The following GPR39 variants were observed in gnomAD, a reference collection of about 807,000 sequenced individuals.
GPR39 encodes G protein-coupled receptor 39.
A neutral mutation model predicts 18.4 loss-of-function variants in GPR39; 23 were observed. The observed-to-expected ratio is 1.25, with a 90% CI of 0.90 to 1.77. The LOEUF is 1.77. Among genes scored for constraint, GPR39 ranks in the 40% most tolerant of loss-of-function variants. GPR39 has a pLI of 0.00. For synonymous variants in GPR39, 280 were observed against 257.9 expected (o/e 1.09, Z -0.82); for missense variants, 647 against 602.4 (o/e 1.07, Z -0.78).
At chr2:132,574,652 T>C (rs1423106482) in intron 1 of GPR39, among the ~76,000 whole-genome samples, 1 of 152,162 alleles carries the variant, frequency 6.6e-6, no homozygotes, top group Non-Finnish European at 1.5e-5. Context: ...CGAGAATTGC[T>C]TTAACCAAGG....
At chr2:132,473,477 C>G (rs1041517841) in intron 1 of GPR39, among the ~76,000 whole-genome samples, 1 of 151,990 alleles carries the variant, frequency 6.6e-6, no homozygotes, top group Non-Finnish European at 1.5e-5. Context: ...TAACATAGCC[C>G]TAAAGCTATT....
intron 1 of GPR39, among the ~76,000 whole-genome samples, chr2:132,567,143 G>A (rs919964213): frequency 1.2e-4 from 18 of 152,180 alleles, no homozygotes; most frequent in African/African-American, 4.3e-4. Context: ...CCAACATGGT[G>A]AAACCCCATC....
chr2:132,500,507 C>T (rs1335839000), intron 1 of GPR39, among the ~76,000 whole-genome samples: 1 of 152,054 alleles, frequency 6.6e-6, no homozygotes, highest in African/African-American at 2.4e-5. Context: ...ATTTTTGCAT[C>T]TGTGTTCATC....
At chr2:132,438,936 G>C (rs190091752) in intron 1 of GPR39, among the ~76,000 whole-genome samples, 135 of 152,292 alleles carry the variant, frequency 8.9e-4, no homozygotes, top group African/African-American at 2.8e-3. Flanking sequence ...GTCGCAGCGA[G>C]CATGTGTATG....
intron 1 of GPR39, among the ~76,000 whole-genome samples, chr2:132,544,117 T>G (rs1010477289): frequency 1.3e-5 from 2 of 152,216 alleles, no homozygotes; most frequent in Non-Finnish European, 2.9e-5. Context: ...TGGGGATTTC[T>G]AAAAACAACT....
intron 1 of GPR39, among the ~76,000 whole-genome samples, chr2:132,497,544 A>G (rs1681670244): frequency 6.6e-6 from 1 of 152,192 alleles, no homozygotes; most frequent in South Asian, 2.1e-4. Flanking sequence ...TTGCCCATAT[A>G]TCACCATGCA....
At chr2:132,583,963 T>C (rs1680676379) in intron 1 of GPR39, among the ~76,000 whole-genome samples, 1 of 152,044 alleles carries the variant, frequency 6.6e-6, no homozygotes, top group Admixed American at 6.6e-5. Flanking sequence ...CTTCTGCTGC[T>C]TTCTAACGAC....
rs150665970 is a variant in GPR39, at chr2:132,490,500, A to G, written c.856+72602A>G. Among the ~76,000 whole-genome samples the G allele has an allele frequency of 1.1e-3, 174 of 152,082 alleles. 1 individual carries two copies. The highest frequency in any genetic ancestry group is 4.0e-3 in the African/African-American group (165 of 41,370). ...ACACTTCTACACAACGGAGGGTTTG[A>G]TAGTGAAAAAGAGACAAAACTCTTT... On this transcript the variant is annotated intron_variant, in intron 1 of 1. Transcript: ENST00000329321.
intron 1 of GPR39, among the ~76,000 whole-genome samples, chr2:132,561,838 C>G (rs1034747011): frequency 2.6e-5 from 4 of 152,116 alleles, no homozygotes; most frequent in Non-Finnish European, 5.9e-5. Flanking sequence ...GTCAATGTCC[C>G]CCTCAAGCAT....
In GPR39 at chr2:132,514,453, T is replaced by G. The variant is rs572945603; in HGVS notation, c.856+96555T>G. The stretch of plus-strand genomic sequence containing the variant: ...CTGGAGGGTCACAGGCTCCCCCGTG[T>G]TAAGCTGAATTTATCTACATCTTTC... On this transcript the variant is annotated intron_variant, in intron 1 of 1. Coordinates refer to ENST00000329321, the MANE Select transcript of GPR39 (RefSeq NM_001508.3). Among the ~76,000 whole-genome samples the G allele has an allele frequency of 9.2e-5, 14 of 152,288 alleles. No individual in the cohort carries two copies. In the South Asian group the frequency reaches 2.9e-3, roughly 32 times the overall value.
chr2:132,493,120 ATT>A (rs1681537239), intron 1 of GPR39, among the ~76,000 whole-genome samples: 2 of 141,608 alleles, frequency 1.4e-5, no homozygotes, highest in Non-Finnish European at 3.0e-5. Context: ...ATATATACAC[ATT>A]CCATATATAT....
intron 1 of GPR39, among the ~76,000 whole-genome samples, chr2:132,532,256 A>G (rs1679652142): frequency 6.6e-6 from 1 of 152,148 alleles, no homozygotes; most frequent in Admixed American, 6.5e-5. Flanking sequence ...AGAAATGGAT[A>G]ATTTCTCGAC....
At chr2:132,588,659 T>A (rs1680773265) in intron 1 of GPR39, among the ~76,000 whole-genome samples, 1 of 152,110 alleles carries the variant, frequency 6.6e-6, no homozygotes. Flanking sequence ...AAAGTCTGCT[T>A]ACCTGGAAGC....
intron 1 of GPR39, among the ~76,000 whole-genome samples, chr2:132,540,693 C>T (rs999862752): frequency 1.3e-5 from 2 of 152,148 alleles, no homozygotes; most frequent in Non-Finnish European, 2.9e-5. Context: ...AGCCACTGCC[C>T]ATCAGCTGCA....
rs571212202 is a variant in GPR39, at chr2:132,460,602, T to C, written c.856+42704T>C. 7.9e-5 allele frequency among the ~76,000 whole-genome samples: 12 copies of C among 152,274 alleles called. No homozygotes were observed. In the South Asian group the frequency reaches 2.3e-3, roughly 29 times the overall value. ...GTAGGAGACTCAGTGGAACAAATGGTTGCTTTTCCAAATTAAAAAAGAAAA... is the reference window on the plus strand; with the variant it reads ...GTAGGAGACTCAGTGGAACAAATGGCTGCTTTTCCAAATTAAAAAAGAAAA... On this transcript the variant is annotated intron_variant, in intron 1 of 1. Transcript: ENST00000329321.
chr2:132,549,971 G>C (rs1177914646), intron 1 of GPR39, among the ~76,000 whole-genome samples: 1 of 152,258 alleles, frequency 6.6e-6, no homozygotes, highest in Admixed American at 6.5e-5. Context: ...GGAGGACTTA[G>C]GTGCATGTGC....
chr2:132,445,700 A>G (rs566666292), intron 1 of GPR39, among the ~76,000 whole-genome samples: 1 of 152,186 alleles, frequency 6.6e-6, no homozygotes, highest in Non-Finnish European at 1.5e-5. Flanking sequence ...ATTTTTCACT[A>G]ATTTGTTCCC....
chr2:132,575,796 T>C (rs1411102776), intron 1 of GPR39, among the ~76,000 whole-genome samples: 1 of 152,232 alleles, frequency 6.6e-6, no homozygotes, highest in Non-Finnish European at 1.5e-5. Flanking sequence ...ATGTTTGTCC[T>C]CCTAAAATTG....
At chr2:132,434,723 C>T (rs1305638000) in intron 1 of GPR39, among the ~76,000 whole-genome samples, 2 of 152,124 alleles carry the variant, frequency 1.3e-5, no homozygotes, top group Non-Finnish European at 2.9e-5. Flanking sequence ...AGCCACCAAG[C>T]CCAAAACAAT....
Sources: gnomAD v4.1 joint callset for allele counts (sites outside exome capture counted in the v4.1 genomes callset) on GRCh38, gnomAD v4.1.1 for gene constraint, MANE v1.5 for transcripts, NCBI Gene and HGNC (gene_info 2026-07-23, HGNC 2026-07-21) for gene names.